Variants in ERG observed in about 807,000 individuals in gnomAD.
The protein encoded by ERG is transcriptional regulator ERG.
A neutral mutation model predicts 55.3 loss-of-function variants in ERG; 9 were observed. The ratio of observed to expected loss-of-function variants is 0.16; its 90% CI spans 0.10 to 0.28. ERG has a LOEUF of 0.28. Among genes scored for constraint, ERG ranks in the 10% least tolerant of loss-of-function variants. ERG has a pLI of 1.00. For synonymous variants in ERG, 223 were observed against 237.3 expected (o/e 0.94, Z 0.55); for missense variants, 434 against 631.6 (o/e 0.69, Z 3.35).
intron 2 of ERG, among the ~76,000 whole-genome samples, chr21:38,570,342 G>A (rs1186563172): frequency 6.6e-6 from 1 of 152,174 alleles, no homozygotes; most frequent in African/African-American, 2.4e-5. Context: ...TATGTACCCT[G>A]GAAAACCCTG....
chr21:38,384,761 T>C (rs569727158), intron 9 of ERG, among the ~76,000 whole-genome samples: 1 of 151,856 alleles, frequency 6.6e-6, no homozygotes, highest in South Asian at 2.1e-4. Context: ...AACATTTTGC[T>C]GGCGCTCAGA....
intron 1 of ERG, among the ~76,000 whole-genome samples, chr21:38,637,057 C>T (rs565958905): frequency 9.2e-5 from 14 of 152,082 alleles, no homozygotes; most frequent in African/African-American, 1.9e-4. Flanking sequence ...TGGAACCGCA[C>T]GCTGGTCTGG....
chr21:38,556,295 G>A (rs1289961109), intron 2 of ERG, among the ~76,000 whole-genome samples: 2 of 152,136 alleles, frequency 1.3e-5, no homozygotes, highest in African/African-American at 4.8e-5. Flanking sequence ...AATGTTAATT[G>A]TATCTGGGTT....
In ERG at chr21:38,571,523, T is replaced by A. The variant is rs1242850102; in HGVS notation, c.-41+4139A>T. Among the ~76,000 whole-genome samples the A allele has an allele frequency of 4.9e-3, 742 of 150,886 alleles. 9 individuals are homozygous for A. The highest frequency in any genetic ancestry group is 0.017 in the African/African-American group (705 of 41,166). On this transcript the variant is annotated intron_variant, in intron 2 of 8. Transcript: ENST00000398897. ...AAGACTATGTCTTAAAAAAAATAAA[T>A]AAAAATAAATAATAAATAAAAAATT... is the stretch of plus-strand genomic sequence containing the variant.
chr21:38,428,291 C>T (rs1989935915), intron 2 of ERG, among the ~76,000 whole-genome samples: 1 of 149,712 alleles, frequency 6.7e-6, no homozygotes, highest in African/African-American at 2.5e-5. Context: ...AGCTCTGTGC[C>T]CAAGAAAAGA....
chr21:38,372,154 C>T, the ERG span, among the ~76,000 whole-genome samples: 1 of 152,038 alleles, frequency 6.6e-6, no homozygotes, highest in Admixed American at 6.5e-5. Flanking sequence ...ATCTTCTAAT[C>T]ATTTGAAAGT....
At chr21:38,442,813 T>C (rs1569103314) in intron 2 of ERG, among the ~76,000 whole-genome samples, 1 of 152,192 alleles carries the variant, frequency 6.6e-6, no homozygotes, top group Admixed American at 6.5e-5. Context: ...TTATTTTTTA[T>C]TTTTATTTTT....
At chr21:38,555,101 C>A (rs1054267804) in intron 2 of ERG, among the ~76,000 whole-genome samples, 1 of 151,882 alleles carries the variant, frequency 6.6e-6, no homozygotes, top group Non-Finnish European at 1.5e-5. Flanking sequence ...CTGAGGCGGG[C>A]GGATTACCTG....
intron 2 of ERG, among the ~76,000 whole-genome samples, chr21:38,522,517 G>A (rs8133305): frequency 1.3e-5 from 2 of 152,104 alleles, no homozygotes; most frequent in South Asian, 2.1e-4. Context: ...ATCAATAAAA[G>A]CTATTTGAAA....
intron 1 of ERG, among the ~76,000 whole-genome samples, chr21:38,497,665 AC>A (rs1345320373): frequency 6.6e-6 from 1 of 152,170 alleles, no homozygotes; most frequent in Non-Finnish European, 1.5e-5. Flanking sequence ...CAAACACCCC[AC>A]AGCACAGAGA....
At chr21:38,391,193 T>G in intron 8 of ERG, 151 bp from the exon 9 acceptor site, 1 of 680,616 alleles carries the variant, frequency 1.5e-6, no homozygotes, top group Non-Finnish European at 2.6e-6. Flanking sequence ...ACCTCCTCTA[T>G]GAGAGAAGAT....
chr21:38,657,956 C>A (rs189052221), intron 1 of ERG, among the ~76,000 whole-genome samples: 1 of 152,186 alleles, frequency 6.6e-6, no homozygotes, highest in Non-Finnish European at 1.5e-5. Context: ...CCATAATCAT[C>A]GGAAACTGTG....
chr21:38,422,995 A>G (rs1016089062), intron 3 of ERG, among the ~76,000 whole-genome samples: 3 of 152,126 alleles, frequency 2.0e-5, no homozygotes, highest in African/African-American at 7.2e-5. Flanking sequence ...TTTCATAGAC[A>G]TATACACACG....
intron 3 of ERG, among the ~76,000 whole-genome samples, chr21:38,414,341 C>T (rs988821742): frequency 6.6e-6 from 1 of 152,154 alleles, no homozygotes; most frequent in Non-Finnish European, 1.5e-5. Context: ...ATCTGCAAAA[C>T]CTCTATTTCC....
chr21:38,558,037 T>C (rs541883978), intron 2 of ERG, among the ~76,000 whole-genome samples: 26 of 151,140 alleles, frequency 1.7e-4, no homozygotes, highest in Middle Eastern at 6.8e-3. Context: ...TTTTCTTTGA[T>C]CTAAATCAGG....
chr21:38,556,262 T>C (rs892786269), intron 2 of ERG, among the ~76,000 whole-genome samples: 1 of 152,126 alleles, frequency 6.6e-6, no homozygotes, highest in Admixed American at 6.5e-5. Flanking sequence ...CATGGAAAAA[T>C]AGACTGGAAA....
chr21:38,623,594 C>T (rs1391131866), intron 1 of ERG, among the ~76,000 whole-genome samples: 1 of 152,198 alleles, frequency 6.6e-6, no homozygotes, highest in Non-Finnish European at 1.5e-5. Context: ...TCACACCGTA[C>T]ATCAGAGCTC....
At chr21:38,468,061 A>C (rs2059105951) in intron 1 of ERG, among the ~76,000 whole-genome samples, 1 of 152,224 alleles carries the variant, frequency 6.6e-6, no homozygotes, top group Non-Finnish European at 1.5e-5. Context: ...GCAGAAAAGG[A>C]GAAAAGGTGA....
chr21:38,466,160 G>A (rs537779525), intron 1 of ERG, among the ~76,000 whole-genome samples: 2 of 152,072 alleles, frequency 1.3e-5, no homozygotes, highest in African/African-American at 4.8e-5. Flanking sequence ...TACATAATAG[G>A]CTGCAAATAG....
Sources: gnomAD v4.1 joint callset for allele counts (sites outside exome capture counted in the v4.1 genomes callset) on GRCh38, gnomAD v4.1.1 for gene constraint, MANE v1.5 for transcripts, NCBI Gene and HGNC (gene_info 2026-07-23, HGNC 2026-07-21) for gene names.